The following SCHIP1 variants were observed in gnomAD, a reference collection of about 807,000 sequenced individuals.
SCHIP1 encodes schwannomin interacting protein 1.
In SCHIP1, 8 loss-of-function variants were observed where a neutral mutation model predicts 29.7. That is an observed-to-expected ratio of 0.27 (90% CI 0.16 to 0.49). The LOEUF (loss-of-function observed/expected upper bound fraction) is 0.49, where lower values mean the gene tolerates loss of function less well. Among genes scored for constraint, SCHIP1 ranks in the 20% least tolerant of loss-of-function variants. The pLI is 0.99. For missense variants in SCHIP1, 193 were observed against 294.6 expected (o/e 0.66, Z 2.52); for synonymous variants, 76 against 94.9 (o/e 0.80, Z 1.16).
chr3:159,468,903 A>C, the SCHIP1 span, among the ~76,000 whole-genome samples: 4 of 151,424 alleles, frequency 2.6e-5, no homozygotes, highest in African/African-American at 9.7e-5. Context: ...AGTAGCTGGG[A>C]CTACAGGAGC....
At chr3:159,748,899 T>C in the SCHIP1 span, among the ~76,000 whole-genome samples, 1 of 152,198 alleles carries the variant, frequency 6.6e-6, no homozygotes, top group Non-Finnish European at 1.5e-5. Context: ...AACCAAAGAA[T>C]GGTCTACTTT....
the SCHIP1 span, among the ~76,000 whole-genome samples, chr3:159,523,689 A>G: frequency 0.016 from 2,367 of 152,280 alleles, 70 homozygotes; most frequent in African/African-American, 0.055. Flanking sequence ...CCCGTCATCC[A>G]CCCATCCATT....
exon 1 of SCHIP1, chr3:159,840,147 A>G: frequency 6.5e-7 from 1 of 1,534,656 alleles, no homozygotes; most frequent in Non-Finnish European, 8.7e-7. Flanking sequence ...CTCGCTCAGC[A>G]GTCCTGCGTT....
the SCHIP1 span, among the ~76,000 whole-genome samples, chr3:159,627,078 G>A: frequency 6.6e-6 from 1 of 152,122 alleles, no homozygotes; most frequent in Non-Finnish European, 1.5e-5. Flanking sequence ...CACTCCCTGT[G>A]TCCATGTGTT....
At chr3:159,646,249 CA>C in the SCHIP1 span, among the ~76,000 whole-genome samples, 2 of 152,168 alleles carry the variant, frequency 1.3e-5, no homozygotes, top group Non-Finnish European at 2.9e-5. Context: ...AAAACCTTCA[CA>C]AGGTACGATT....
the SCHIP1 span, among the ~76,000 whole-genome samples, chr3:159,651,477 C>T: frequency 6.6e-6 from 1 of 152,146 alleles, no homozygotes; most frequent in Non-Finnish European, 1.5e-5. Flanking sequence ...TATCCTTCTC[C>T]CATTTGTAAA....
chr3:159,697,588 A>G, the SCHIP1 span, among the ~76,000 whole-genome samples: 2 of 152,232 alleles, frequency 1.3e-5, no homozygotes, highest in Non-Finnish European at 2.9e-5. Flanking sequence ...AATGAATATT[A>G]ATTAATTAAC....
the SCHIP1 span, among the ~76,000 whole-genome samples, chr3:159,669,751 C>A: frequency 6.6e-6 from 1 of 152,302 alleles, no homozygotes; most frequent in South Asian, 2.1e-4. Context: ...ACACTGAACA[C>A]GAAACCTAGG....
chr3:159,593,235 A>AC, the SCHIP1 span, among the ~76,000 whole-genome samples: 1 of 152,186 alleles, frequency 6.6e-6, no homozygotes, highest in Non-Finnish European at 1.5e-5. Flanking sequence ...AAGAGTAGGT[A>AC]CTTAAGTGGA....
the SCHIP1 span, among the ~76,000 whole-genome samples, chr3:159,566,211 C>T: frequency 3.9e-5 from 6 of 152,186 alleles, no homozygotes; most frequent in Non-Finnish European, 8.8e-5. Context: ...GGAAGTTCCT[C>T]ACCTCTCTGT....
chr3:159,713,293 AAAG>A, the SCHIP1 span, among the ~76,000 whole-genome samples: 2 of 151,658 alleles, frequency 1.3e-5, no homozygotes, highest in Non-Finnish European at 2.9e-5. Context: ...AGAAAAAAGA[AAAG>A]AAAGAAAGAA....
chr3:159,838,629 GC>G (rs1743897272), upstream of SCHIP1, among the ~76,000 whole-genome samples: 1 of 152,206 alleles, frequency 6.6e-6, no homozygotes, highest in East Asian at 1.9e-4. Context: ...GGTGGCTCAC[GC>G]CTATAATCCC....
chr3:159,824,545 G>A, the SCHIP1 span, among the ~76,000 whole-genome samples: 5 of 152,174 alleles, frequency 3.3e-5, no homozygotes, highest in Non-Finnish European at 1.5e-5. Flanking sequence ...GAGTCCACAC[G>A]GGCTTTCTAG....
At chr3:159,625,116 G>A in the SCHIP1 span, among the ~76,000 whole-genome samples, 1 of 152,170 alleles carries the variant, frequency 6.6e-6, no homozygotes, top group East Asian at 1.9e-4. Flanking sequence ...TTGGGTCTGT[G>A]GAACCAGGGG....
the SCHIP1 span, among the ~76,000 whole-genome samples, chr3:159,412,631 G>T: frequency 6.6e-6 from 1 of 152,148 alleles, no homozygotes; most frequent in African/African-American, 2.4e-5. Context: ...CCAATGAATT[G>T]TATGGGTCCA....
the SCHIP1 span, among the ~76,000 whole-genome samples, chr3:159,756,719 C>T: frequency 5.2e-3 from 792 of 152,292 alleles, 11 homozygotes; most frequent in Admixed American, 0.023. Flanking sequence ...CCTTTTAAAA[C>T]GTAATGCTTT....
the SCHIP1 span, among the ~76,000 whole-genome samples, chr3:159,693,582 A>G: frequency 0.025 from 3,820 of 152,290 alleles, 187 homozygotes; most frequent in African/African-American, 0.088. Flanking sequence ...AAATATCTAT[A>G]AGACGAACTG....
At chr3:159,566,449 A>C in the SCHIP1 span, among the ~76,000 whole-genome samples, 1 of 152,210 alleles carries the variant, frequency 6.6e-6, no homozygotes, top group Non-Finnish European at 1.5e-5. Flanking sequence ...AAGTTCATTT[A>C]TCTACATAAA....
intron 1 of SCHIP1, chr3:159,845,580 C>T (rs1490519443): frequency 6.6e-6 from 1 of 152,088 alleles, no homozygotes; most frequent in East Asian, 1.9e-4. Context: ...CGGGTTTTCA[C>T]CATGTTGGCC....
Sources: allele counts gnomAD v4.1 joint callset (sites outside exome capture counted in the v4.1 genomes callset), GRCh38; gene constraint gnomAD v4.1.1; transcripts MANE v1.5; gene names NCBI Gene and HGNC (gene_info 2026-07-23, HGNC 2026-07-21).